Variants in TBCD observed in about 807,000 individuals in gnomAD.
The protein encoded by TBCD is tubulin-specific chaperone D.
Under a neutral mutation model 169.3 loss-of-function variants are expected in TBCD, and 105 were observed. That is an observed-to-expected ratio of 0.62 (90% CI 0.53 to 0.73). TBCD has a LOEUF of 0.73. Among genes scored for constraint, TBCD ranks in the 30% least tolerant of loss-of-function variants. The probability of loss-of-function intolerance (pLI) is 0.00; values close to 1 mark genes in which losing one functional copy is unlikely to be tolerated. For missense variants in TBCD, 1,444 were observed against 1,600.1 expected (o/e 0.90, Z 1.66); for synonymous variants, 700 against 643.9 (o/e 1.09, Z -1.32).
In TBCD at chr17:82,928,106, C is replaced by T; in HGVS notation, c.2693+118C>T. The T allele has an allele frequency of 1.8e-5, 16 of 872,884 alleles. 1 individual carries two copies. The South Asian group carries it at 2.4e-4, about 13-fold the overall frequency. The allele number at this position is 872,884 out of a possible 1,614,324, so 54.1% of individuals were successfully genotyped here. On this transcript the variant is annotated intron_variant, in intron 30 of 38. Coordinates refer to ENST00000355528, the MANE Select transcript of TBCD (RefSeq NM_005993.5). ...TTTGCACTGCTGGGCACACACCCTC[C>T]TCCCAGAGAGCCTCTCTGGTCCCTG...
chr17:82,781,546 G>T (rs373119716), intron 6 of TBCD, 43 bp from the exon 7 acceptor site: 7 of 1,609,582 alleles, frequency 4.3e-6, no homozygotes, highest in Middle Eastern at 3.3e-4. Flanking sequence ...CGTGGGCGAG[G>T]TCTCAGTGCT....
chr17:82,795,295 T>C (rs1253487923), intron 7 of TBCD, among the ~76,000 whole-genome samples: 5 of 151,984 alleles, frequency 3.3e-5, no homozygotes, highest in African/African-American at 1.2e-4. Context: ...CCAGGGGACA[T>C]GTTAGCCCGT....
At chr17:82,919,129 CGG>C (rs35131695) in intron 23 of TBCD, among the ~76,000 whole-genome samples, 2 of 151,682 alleles carry the variant, frequency 1.3e-5, no homozygotes, top group African/African-American at 4.9e-5. Flanking sequence ...AAGTAGTTTA[CGG>C]GGGGGGCCCA....
chr17:82,920,583 T>G lies in TBCD; in HGVS notation c.2066T>G (p.Leu689Arg). ...TGTGTTTTAATAGAAAAGTTGTCAC[T>G]TTCCAAAATGCCCTTTAGAGGTGAC... ...AVCVLIEKLS[L>R]SKMPFRGDTV... Residue 689 changes from leucine (L) to arginine (R), a missense_variant, in exon 24 of 39, where the codon CTT (leucine) becomes CGT (arginine). Coordinates refer to ENST00000355528, the MANE Select transcript of TBCD (RefSeq NM_005993.5). This position sits in a 1 kb window ranked among gnomAD's most constrained non-coding sequence, Gnocchi z 4.1. 6.5e-7 allele frequency: 1 copy of G among 1,549,466 alleles called. No homozygotes were observed.
intron 23 of TBCD, among the ~76,000 whole-genome samples, chr17:82,918,939 C>T (rs1432184322): frequency 1.3e-5 from 2 of 152,130 alleles, no homozygotes; most frequent in African/African-American, 4.8e-5. Flanking sequence ...CACAGGTGCC[C>T]ACGTGGAAGA....
intron 37 of TBCD, 23 bp from the exon 38 acceptor site, chr17:82,941,376 C>CA (rs766373971): frequency 6.4e-7 from 1 of 1,562,516 alleles, no homozygotes; most frequent in South Asian, 1.2e-5. Context: ...TCGAGAGACT[C>CA]ACGGCTCTCC....
intron 13 of TBCD, among the ~76,000 whole-genome samples, chr17:82,858,180 C>A (rs887531737): frequency 1.3e-5 from 2 of 152,150 alleles, no homozygotes; most frequent in Non-Finnish European, 2.9e-5. Context: ...TCCCTAAATG[C>A]TGGGATTACG....
At chr17:82,787,866 G>A (rs1350792470) in intron 7 of TBCD, among the ~76,000 whole-genome samples, 2 of 152,166 alleles carry the variant, frequency 1.3e-5, no homozygotes, top group African/African-American at 4.8e-5. Context: ...TTAAAAACAC[G>A]CTTTGGTTTA....
chr17:82,859,803 A>C lies in TBCD; in HGVS notation c.1319-10421A>C, dbSNP rs80035205. ...TCAGAGCCACCTGTCCTGCCTGTTC[A>C]TGGCAGTGACCCAGAAAGATTCATC... On this transcript the variant is annotated intron_variant, in intron 13 of 38. Coordinates refer to ENST00000355528, the MANE Select transcript of TBCD (RefSeq NM_005993.5). 5.6e-3 allele frequency: 5,474 copies of C among 985,426 alleles called. 258 individuals carry two copies. The African/African-American group carries it at 0.088, about 16-fold the overall frequency. 61.0% of individuals were successfully genotyped at this position (985,426 alleles called of 1,614,324 possible).
chr17:82,936,146 G>T (rs2062604065), intron 34 of TBCD, among the ~76,000 whole-genome samples: 2 of 152,142 alleles, frequency 1.3e-5, no homozygotes, highest in African/African-American at 4.8e-5. Flanking sequence ...ACGCTCACGT[G>T]TTTCCCTCGG....
intron 34 of TBCD, among the ~76,000 whole-genome samples, chr17:82,934,380 TTC>T (rs1220191441): frequency 1.8e-5 from 2 of 112,260 alleles, no homozygotes; most frequent in Non-Finnish European, 4.0e-5. Context: ...CTGACTGACC[TTC>T]TTACACCTGC....
chr17:82,766,331 T>C lies in TBCD; in HGVS notation c.398T>C (p.Leu133Ser), dbSNP rs1307246033. Residue 133 changes from leucine (L) to serine (S), a missense_variant, in exon 4 of 39, where the codon TTA becomes TCA. By Grantham distance (145) the Leu-to-Ser change is moderately radical. Coordinates refer to ENST00000355528, the MANE Select transcript of TBCD (RefSeq NM_005993.5). ...PHEVADVEPV[L>S]DLVTIQNPKD... ...GAAGTTGCCGATGTAGAGCCTGTTT[T>C]AGATTTGGTCACAATTCAGAATCCC... is the stretch of plus-strand genomic sequence containing the variant. 3 of 1,613,324 alleles carry C rather than the reference T, an allele frequency of 1.9e-6. No homozygotes were observed. The highest frequency in any genetic ancestry group is 8.5e-7 in the Non-Finnish European group (1 of 1,179,704).
intron 13 of TBCD, among the ~76,000 whole-genome samples, chr17:82,829,074 A>G (rs868384546): frequency 2.0e-5 from 3 of 149,918 alleles, no homozygotes; most frequent in African/African-American, 4.9e-5. Flanking sequence ...CACAGATAGC[A>G]CACACGCACA....
At chr17:82,826,231 T>A (rs549981612) in intron 13 of TBCD, among the ~76,000 whole-genome samples, 5 of 152,108 alleles carry the variant, frequency 3.3e-5, no homozygotes, top group East Asian at 3.8e-4. Flanking sequence ...ACCTTTTTTT[T>A]TTATTATTTT....
intron 13 of TBCD, among the ~76,000 whole-genome samples, chr17:82,825,425 G>T (rs893297945): frequency 6.6e-6 from 1 of 152,220 alleles, no homozygotes; most frequent in Middle Eastern, 3.4e-3. Flanking sequence ...TAATATTTTT[G>T]TTCTTTGCCA....
chr17:82,845,468 C>G (rs1018853309), intron 13 of TBCD, among the ~76,000 whole-genome samples: 1 of 132,552 alleles, frequency 7.5e-6, no homozygotes, highest in African/African-American at 2.5e-5. Flanking sequence ...CTGGCCCGGC[C>G]CCTTCCTCTC....
intron 38 of TBCD, 56 bp from the exon 39 acceptor site, chr17:82,942,393 T>C: frequency 6.2e-7 from 1 of 1,612,804 alleles, no homozygotes. Context: ...GTCCCCTGGC[T>C]GGGAATGGTG....
At chr17:82,791,433 G>T (rs979174164) in intron 7 of TBCD, among the ~76,000 whole-genome samples, 1 of 152,148 alleles carries the variant, frequency 6.6e-6, no homozygotes, top group Non-Finnish European at 1.5e-5. Flanking sequence ...CTCTGTGGTG[G>T]TTCACTTTTG....
intron 13 of TBCD, chr17:82,830,967 G>A (rs1019976956): frequency 1.5e-5 from 25 of 1,613,246 alleles, no homozygotes; most frequent in Non-Finnish European, 2.1e-5. Context: ...CTGGCTCATG[G>A]AACCCAACCA....
Sources: allele counts gnomAD v4.1 joint callset (sites outside exome capture counted in the v4.1 genomes callset), GRCh38; gene constraint gnomAD v4.1.1; non-coding constraint Gnocchi (gnomAD v3.1); transcripts MANE v1.5; gene names NCBI Gene and HGNC (gene_info 2026-07-23, HGNC 2026-07-21).